UBAC2: variants seen among roughly 807,000 people sequenced by gnomAD.
UBAC2 encodes the protein ubiquitin-associated domain-containing protein 2.
In UBAC2, 26 loss-of-function variants were observed where a neutral mutation model predicts 44.0. The observed-to-expected ratio is 0.59, with a 90% CI of 0.43 to 0.82. The LOEUF is 0.82. Among genes scored for constraint, UBAC2 ranks in the 40% least tolerant of loss-of-function variants. UBAC2 has a pLI of 0.00. For missense variants in UBAC2, 329 were observed against 419.4 expected (o/e 0.78, Z 1.88); for synonymous variants, 155 against 154.3 (o/e 1.00, Z -0.04).
At chr13:99,271,800 G>A (rs1187607139) in intron 4 of UBAC2, among the ~76,000 whole-genome samples, 1 of 152,106 alleles carries the variant, frequency 6.6e-6, no homozygotes, top group Non-Finnish European at 1.5e-5. Flanking sequence ...GCTCACAAAA[G>A]TATCTCTGTT....
intron 7 of UBAC2, among the ~76,000 whole-genome samples, chr13:99,362,087 A>G (rs757018585): frequency 2.8e-4 from 42 of 152,214 alleles, no homozygotes; most frequent in Non-Finnish European, 1.8e-4. Context: ...TTTTATTTAT[A>G]TTATTTACAT....
intron 5 of UBAC2, 144 bp from the exon 6 acceptor site, chr13:99,317,878 T>C (rs961025354): frequency 7.1e-6 from 4 of 561,028 alleles, no homozygotes; most frequent in African/African-American, 4.0e-5. Context: ...TGATATTTAC[T>C]AATTTTCCAT....
intron 6 of UBAC2, among the ~76,000 whole-genome samples, chr13:99,334,434 T>C (rs891814726): frequency 3.3e-5 from 5 of 152,204 alleles, no homozygotes; most frequent in African/African-American, 1.2e-4. Flanking sequence ...TCAACGTCTT[T>C]TCATTACAGC....
At chr13:99,382,285 A>G (rs1408849488) in intron 8 of UBAC2, among the ~76,000 whole-genome samples, 2 of 152,308 alleles carry the variant, frequency 1.3e-5, no homozygotes, top group Non-Finnish European at 1.5e-5. Context: ...TTTAACAGAG[A>G]TATGTAGAGT....
In UBAC2 at chr13:99,266,776, G is replaced by C. The variant is rs375707010; in HGVS notation, c.389+22152G>C. ...TTAAGTTCATTCACACTGCTGTGCA[G>C]CCAACCTCCAGGACATTTTCATCTT... On this transcript the variant is annotated intron_variant, in intron 4 of 8. Coordinates refer to ENST00000403766, the MANE Select transcript of UBAC2 (RefSeq NM_001144072.2). Among the ~76,000 whole-genome samples, 53 of 152,246 alleles carry C rather than the reference G, an allele frequency of 3.5e-4. 1 individual carries two copies. In the South Asian group the frequency reaches 0.011, roughly 30 times the overall value.
At chr13:99,213,140 C>T (rs2042953350) in intron 1 of UBAC2, among the ~76,000 whole-genome samples, 1 of 152,002 alleles carries the variant, frequency 6.6e-6, no homozygotes, top group Non-Finnish European at 1.5e-5. Flanking sequence ...ACAGAAATGG[C>T]ATTCAAATAC....
intron 1 of UBAC2, among the ~76,000 whole-genome samples, chr13:99,227,760 T>C (rs1222080696): frequency 6.6e-6 from 1 of 152,228 alleles, no homozygotes; most frequent in East Asian, 1.9e-4. Context: ...GGACCTAGAA[T>C]AATGCATGGT....
intron 6 of UBAC2, among the ~76,000 whole-genome samples, chr13:99,325,411 T>C (rs936803644): frequency 6.6e-6 from 1 of 152,218 alleles, no homozygotes; most frequent in African/African-American, 2.4e-5. Context: ...CCTATGTCTA[T>C]GCTCTTAAAA....
chr13:99,218,362 G>A (rs1229005293), intron 1 of UBAC2, among the ~76,000 whole-genome samples: 2 of 152,048 alleles, frequency 1.3e-5, no homozygotes. Context: ...CTCTGTGTTT[G>A]GTGCTGTTTC....
Position 99,258,762 on chromosome 13 carries a change from G to T in UBAC2, c.389+14138G>T, listed in dbSNP as rs117908129. Among the ~76,000 whole-genome samples, 742 of 152,218 alleles carry T rather than the reference G, an allele frequency of 4.9e-3. 4 individuals are homozygous for T. Among genetic ancestry groups the T allele is most frequent in the Non-Finnish European group, 7.5e-3 (511 of 67,992 alleles). On this transcript the variant is annotated intron_variant, in intron 4 of 8. Coordinates refer to ENST00000403766, the MANE Select transcript of UBAC2 (RefSeq NM_001144072.2). ...TACTATATCCAGTAGGATTGTAGGG[G>T]CCCTAAACCAGAAAGATCCCAAGTG...
intron 5 of UBAC2, among the ~76,000 whole-genome samples, chr13:99,316,820 C>T (rs1202714530): frequency 6.6e-6 from 1 of 152,250 alleles, no homozygotes; most frequent in Non-Finnish European, 1.5e-5. Context: ...CTCCAGCCCA[C>T]CACCTGCTAG....
rs192239624 is a variant in UBAC2 at position 99,296,051 on chromosome 13, A to G, written c.390-18046A>G. On this transcript the variant is annotated intron_variant, in intron 4 of 8. Coordinates refer to ENST00000403766, the MANE Select transcript of UBAC2 (RefSeq NM_001144072.2). ...GAGGCTGTAATGCAGAGGCATTACT[A>G]TCCTGGCCGTGCTGTGATGTGCATA... The G allele has an allele frequency of 5.0e-6, 8 of 1,614,032 alleles. No individual in the cohort carries two copies. In the East Asian group the frequency reaches 1.1e-4, roughly 22 times the overall value.
intron 8 of UBAC2, among the ~76,000 whole-genome samples, chr13:99,370,861 T>G (rs2045396445): frequency 6.6e-6 from 1 of 152,198 alleles, no homozygotes; most frequent in Non-Finnish European, 1.5e-5. Context: ...AGAGAATTTC[T>G]AGACAAAGGT....
intron 4 of UBAC2, among the ~76,000 whole-genome samples, chr13:99,252,620 A>G (rs1367178895): frequency 6.6e-6 from 1 of 152,212 alleles, no homozygotes; most frequent in Admixed American, 6.5e-5. Context: ...CCTGCCACAC[A>G]TCTGGCCTTA....
intron 7 of UBAC2, among the ~76,000 whole-genome samples, chr13:99,343,760 A>T (rs2044929676): frequency 6.6e-6 from 1 of 152,164 alleles, no homozygotes; most frequent in African/African-American, 2.4e-5. Flanking sequence ...GCTGTGTCTC[A>T]GTTTTCTTCA....
At chr13:99,228,170 T>TA in intron 1 of UBAC2, among the ~76,000 whole-genome samples, 1 of 152,336 alleles carries the variant, frequency 6.6e-6, no homozygotes, top group South Asian at 2.1e-4. Context: ...CCGTTGCACT[T>TA]ACATCACCCC....
chr13:99,305,442 C>T (rs1215954412), intron 4 of UBAC2, among the ~76,000 whole-genome samples: 1 of 152,178 alleles, frequency 6.6e-6, no homozygotes, highest in Non-Finnish European at 1.5e-5. Context: ...AGAAAAGTAT[C>T]CCTGTAAACG....
In UBAC2 at chr13:99,200,888, G is replaced by C. The variant is rs757869105; in HGVS notation, c.-21G>C. 1 of 1,302,580 alleles carries C rather than the reference G, an allele frequency of 7.7e-7. No individual in the cohort carries two copies. Among genetic ancestry groups the C allele is most frequent in the Non-Finnish European group, 9.8e-7 (1 of 1,017,558 alleles). The allele number at this position is 1,302,580 out of a possible 1,614,324, so 80.7% of individuals were successfully genotyped here. Reference sequence around the variant, plus strand: ...CTTCCCCTCCCCCGGCGCCCTCTGGGGCTCCGAGCCCGGCGGGACCATGTT... The same window carrying C: ...CTTCCCCTCCCCCGGCGCCCTCTGGCGCTCCGAGCCCGGCGGGACCATGTT... On this transcript the variant is annotated 5_prime_UTR_variant, in exon 1 of 9. Coordinates refer to ENST00000403766, the MANE Select transcript of UBAC2 (RefSeq NM_001144072.2).
intron 1 of UBAC2, among the ~76,000 whole-genome samples, chr13:99,223,565 TTAAGA>T (rs2043076808): frequency 1.0e-5 from 1 of 99,254 alleles, no homozygotes. Flanking sequence ...TTTTTTTTTT[TTAAGA>T]TTGTAACCTA....
Sources: allele counts gnomAD v4.1 joint callset (sites outside exome capture counted in the v4.1 genomes callset), GRCh38; gene constraint gnomAD v4.1.1; transcripts MANE v1.5; gene names NCBI Gene and HGNC (gene_info 2026-07-23, HGNC 2026-07-21).